NSD2: variants seen among roughly 807,000 people sequenced by gnomAD.
The protein encoded by NSD2 is nuclear receptor binding SET domain protein 2.
NSD2 carries 12 observed loss-of-function variants against 139.0 expected under a neutral mutation model. The observed-to-expected ratio is 0.09, with a 90% CI of 0.06 to 0.14. The LOEUF is 0.14. NSD2 is among the 10% of genes least tolerant of loss of function. The probability of loss-of-function intolerance (pLI) is 1.00; values close to 1 mark genes in which losing one functional copy is unlikely to be tolerated. For missense variants in NSD2, 1,155 were observed against 1,745.0 expected (o/e 0.66, Z 6.02); for synonymous variants, 669 against 648.7 (o/e 1.03, Z -0.48).
At chr4:1,876,955 G>C (rs1284118234) in intron 1 of NSD2, among the ~76,000 whole-genome samples, 2 of 151,928 alleles carry the variant, frequency 1.3e-5, no homozygotes, top group Non-Finnish European at 2.9e-5. Context: ...GGGAAATGTG[G>C]TGAAACCCCG....
intron 5 of NSD2, among the ~76,000 whole-genome samples, chr4:1,926,686 G>T (rs565142191): frequency 6.6e-6 from 1 of 152,056 alleles, no homozygotes; most frequent in South Asian, 2.1e-4. Context: ...GGCTAGGCTG[G>T]TCTCAAACAC....
Position 1,952,598 on chromosome 4 carries a change from C to T in NSD2, c.2137+367C>T, listed in dbSNP as rs550611053. Among the ~76,000 whole-genome samples the T allele has an allele frequency of 5.3e-5, 8 of 152,302 alleles. No individual in the cohort carries two copies. The South Asian group carries it at 1.5e-3, about 28-fold the overall frequency. On this transcript the variant is annotated intron_variant, in intron 11 of 21. Transcript: ENST00000508803. ...AGTGCAGCATTAAGGGTACAGGTAA[C>T]CTGGTTGGTCACCGAACACTGAAGT...
chr4:1,963,532 G>GT (rs1167036715), intron 18 of NSD2, among the ~76,000 whole-genome samples: 1 of 152,220 alleles, frequency 6.6e-6, no homozygotes, highest in African/African-American at 2.4e-5. Flanking sequence ...CTTATGTGCT[G>GT]TAAGAAATGC....
At chr4:1,879,830 G>T (rs1271544838) in intron 1 of NSD2, among the ~76,000 whole-genome samples, 1 of 147,166 alleles carries the variant, frequency 6.8e-6, no homozygotes, top group Non-Finnish European at 1.5e-5. Flanking sequence ...GCACTTGTGT[G>T]TGTGTGTGTG....
chr4:1,937,489 C>T (rs1577490778), intron 7 of NSD2, among the ~76,000 whole-genome samples: 1 of 152,108 alleles, frequency 6.6e-6, no homozygotes, highest in Non-Finnish European at 1.5e-5. Context: ...CATTAAGTGG[C>T]TAGTAATGTT....
chr4:1,872,869 A>G (rs916533622), intron 1 of NSD2, among the ~76,000 whole-genome samples: 1 of 152,138 alleles, frequency 6.6e-6, no homozygotes, highest in Non-Finnish European at 1.5e-5. Flanking sequence ...AAACTTTTTA[A>G]TTTTCCCAAA....
intron 3 of NSD2, among the ~76,000 whole-genome samples, chr4:1,909,576 T>A (rs1560615702): frequency 6.6e-6 from 1 of 151,780 alleles, no homozygotes; most frequent in Admixed American, 6.6e-5. Context: ...TGCCGTGGAG[T>A]GGGCTGAGCA....
At chr4:1,882,467 T>G (rs1279404374) in intron 1 of NSD2, among the ~76,000 whole-genome samples, 4 of 152,020 alleles carry the variant, frequency 2.6e-5, no homozygotes, top group African/African-American at 7.3e-5. Flanking sequence ...ATCGAGACCA[T>G]CCTGGCTAAC....
At chr4:1,900,051 T>C (rs1344945977) in intron 1 of NSD2, among the ~76,000 whole-genome samples, 3 of 152,212 alleles carry the variant, frequency 2.0e-5, no homozygotes, top group Non-Finnish European at 4.4e-5. Context: ...CTGGAGCTAA[T>C]CCTGTGCTTG....
intron 1 of NSD2, among the ~76,000 whole-genome samples, chr4:1,872,125 G>T (rs1468313714): frequency 1.3e-5 from 2 of 151,982 alleles, no homozygotes; most frequent in African/African-American, 4.8e-5. Flanking sequence ...CACTCGCGGC[G>T]CCCGGGCGTT....
chr4:1,905,926 C>G (rs1717836267), intron 3 of NSD2, among the ~76,000 whole-genome samples: 1 of 152,210 alleles, frequency 6.6e-6, no homozygotes, highest in Non-Finnish European at 1.5e-5. Context: ...GAGACAGAAG[C>G]TGTCTCCCCT....
intron 18 of NSD2, among the ~76,000 whole-genome samples, chr4:1,966,251 A>T (rs2108993294): frequency 6.6e-6 from 1 of 152,358 alleles, no homozygotes; most frequent in East Asian, 1.9e-4. Context: ...TACAGTCACT[A>T]CAAGTTGTAT....
chr4:1,968,675 T>C lies in NSD2; in HGVS notation c.3373-6188T>C, dbSNP rs972507599. 5.3e-5 allele frequency among the ~76,000 whole-genome samples: 8 copies of C among 151,842 alleles called. No homozygotes were observed. In the South Asian group the frequency reaches 1.0e-3, roughly 20 times the overall value. On this transcript the variant is annotated intron_variant, in intron 18 of 21. Transcript: ENST00000508803. Reference sequence around the variant, plus strand: ...TGTCAATAATCACAATATATGTAAGTGGTTTAAATGTATAAGTTAAGACTA... The same window carrying C: ...TGTCAATAATCACAATATATGTAAGCGGTTTAAATGTATAAGTTAAGACTA...
rs560327551 is a variant in NSD2 at position 1,954,076 on chromosome 4, C to G, written c.2338+552C>G. On this transcript the variant is annotated intron_variant, in intron 12 of 21. Coordinates refer to ENST00000508803, the MANE Select transcript of NSD2 (RefSeq NM_001042424.3). ...TCTCAGCTCACTGCAACCTCTGCCTCCCAGGTTCAAGCGATCCTCCTGCCT... is the reference window on the plus strand; with the variant it reads ...TCTCAGCTCACTGCAACCTCTGCCTGCCAGGTTCAAGCGATCCTCCTGCCT... 7.2e-5 allele frequency among the ~76,000 whole-genome samples: 11 copies of G among 151,856 alleles called. No homozygotes were observed. In the East Asian group the frequency reaches 2.1e-3, roughly 29 times the overall value.
Position 1,981,009 on chromosome 4 carries a change from G to A in NSD2, c.*2100G>A, listed in dbSNP as rs901521520. On this transcript the variant is annotated 3_prime_UTR_variant, in exon 22 of 22. Coordinates refer to ENST00000508803, the MANE Select transcript of NSD2 (RefSeq NM_001042424.3). The stretch of plus-strand genomic sequence containing the variant: ...TTGCCCAAAAGATCCCTTCCGGCAG[G>A]TAAGGGACTACCAATGCTTACGTCA... 1.3e-5 allele frequency: 3 copies of A among 233,158 alleles called. No homozygotes were observed. Among genetic ancestry groups the A allele is most frequent in the Non-Finnish European group, 2.5e-5 (3 of 118,046 alleles). The allele number at this position is 233,158 out of a possible 1,614,324, so 14.4% of individuals were successfully genotyped here.
chr4:1,952,599 C>G (rs567295274), intron 11 of NSD2, among the ~76,000 whole-genome samples: 1 of 152,212 alleles, frequency 6.6e-6, no homozygotes, highest in Non-Finnish European at 1.5e-5. Flanking sequence ...TACAGGTAAC[C>G]TGGTTGGTCA....
chr4:1,944,408 T>C, intron 9 of NSD2: 1 of 1,065,514 alleles, frequency 9.4e-7, no homozygotes, highest in Non-Finnish European at 1.1e-6. Context: ...GGTGATACAT[T>C]CTAGCCTTAA....
At chr4:1,951,971 A>G (rs907526165) in intron 10 of NSD2, 137 bp from the exon 11 acceptor site, 23 of 1,369,228 alleles carry the variant, frequency 1.7e-5, no homozygotes, top group Non-Finnish European at 2.0e-5. Flanking sequence ...ACGTTTGCCC[A>G]TGCATGTTAT....
chr4:1,961,580 G>A (rs2108978475), intron 18 of NSD2, among the ~76,000 whole-genome samples: 1 of 152,362 alleles, frequency 6.6e-6, no homozygotes. Context: ...GTTGTTGCTT[G>A]TATGCAGCCC....
Sources: allele counts gnomAD v4.1 joint callset (sites outside exome capture counted in the v4.1 genomes callset), GRCh38; gene constraint gnomAD v4.1.1; transcripts MANE v1.5; gene names NCBI Gene and HGNC (gene_info 2026-07-23, HGNC 2026-07-21).